EFNA5: variants seen among roughly 807,000 people sequenced by gnomAD.
EFNA5 encodes the protein ephrin A5, also known as ephrin-A5.
Under a neutral mutation model 22.9 loss-of-function variants are expected in EFNA5, and 5 were observed. The ratio of observed to expected loss-of-function variants is 0.22; its 90% CI spans 0.11 to 0.46. The LOEUF (loss-of-function observed/expected upper bound fraction) is 0.46, where lower values mean the gene tolerates loss of function less well. Ranked by LOEUF, EFNA5 falls within the 20% of genes least tolerant of loss-of-function variation. The pLI, the probability that EFNA5 is intolerant of heterozygous loss-of-function variation, is 0.99. For synonymous variants in EFNA5, 113 were observed against 112.2 expected (o/e 1.01, Z -0.04); for missense variants, 237 against 293.3 (o/e 0.81, Z 1.40).
intron 1 of EFNA5, among the ~76,000 whole-genome samples, chr5:107,635,652 G>A (rs1385585319): frequency 6.6e-6 from 1 of 152,142 alleles, no homozygotes; most frequent in African/African-American, 2.4e-5. Flanking sequence ...CTTAATGATG[G>A]GTGTTTAAGA....
intron 1 of EFNA5, among the ~76,000 whole-genome samples, chr5:107,573,817 A>T (rs184693024): frequency 7.1e-4 from 108 of 152,282 alleles, no homozygotes; most frequent in Middle Eastern, 3.4e-3. Context: ...GAACAAAATC[A>T]ATCTGCACCA....
chr5:107,406,768 A>C (rs1399838984), intron 2 of EFNA5, among the ~76,000 whole-genome samples: 3 of 152,022 alleles, frequency 2.0e-5, no homozygotes, highest in African/African-American at 7.2e-5. Context: ...GCCATTGCCT[A>C]TTTTTTTCTC....
chr5:107,521,211 C>T (rs919339312), intron 1 of EFNA5, among the ~76,000 whole-genome samples: 3 of 152,112 alleles, frequency 2.0e-5, no homozygotes, highest in Admixed American at 1.3e-4. Context: ...AGAACGCTTA[C>T]ATTAGCCTAT....
At chr5:107,585,208 A>C (rs1749158311) in intron 1 of EFNA5, among the ~76,000 whole-genome samples, 1 of 152,176 alleles carries the variant, frequency 6.6e-6, no homozygotes. Context: ...AAGTAGGTAC[A>C]ATTTTCTGCT....
intron 1 of EFNA5, among the ~76,000 whole-genome samples, chr5:107,668,477 A>T (rs1039650071): frequency 3.3e-5 from 5 of 152,182 alleles, no homozygotes; most frequent in African/African-American, 4.8e-5. Context: ...CTAGCTTGAC[A>T]GGTTAAGAAG....
chr5:107,633,417 C>T (rs757790354), intron 1 of EFNA5, among the ~76,000 whole-genome samples: 3 of 152,208 alleles, frequency 2.0e-5, no homozygotes, highest in Admixed American at 6.5e-5. Flanking sequence ...AAGCCCAGGC[C>T]CTTCTGAGGC....
intron 1 of EFNA5, among the ~76,000 whole-genome samples, chr5:107,515,956 T>C (rs942126678): frequency 1.1e-4 from 16 of 152,186 alleles, no homozygotes; most frequent in African/African-American, 3.9e-4. Flanking sequence ...ACCATTTATG[T>C]TGGGTTACTT....
chr5:107,598,645 G>A (rs1206797892), intron 1 of EFNA5, among the ~76,000 whole-genome samples: 1 of 152,100 alleles, frequency 6.6e-6, no homozygotes. Context: ...TAAACATACA[G>A]GTGGTCTTAT....
chr5:107,483,361 C>T (rs1197727213), intron 1 of EFNA5, among the ~76,000 whole-genome samples: 3 of 152,180 alleles, frequency 2.0e-5, no homozygotes, highest in African/African-American at 7.2e-5. Flanking sequence ...AACGACACCA[C>T]ATGGCATGCA....
intron 1 of EFNA5, among the ~76,000 whole-genome samples, chr5:107,645,040 T>C (rs578176793): frequency 6.6e-5 from 10 of 152,284 alleles, no homozygotes; most frequent in South Asian, 2.1e-4. Context: ...GATACATGTG[T>C]AGGATGTGCA....
intron 1 of EFNA5, among the ~76,000 whole-genome samples, chr5:107,522,789 A>G (rs1747623486): frequency 6.6e-6 from 1 of 152,124 alleles, no homozygotes; most frequent in Non-Finnish European, 1.5e-5. Flanking sequence ...TCCAGCCACT[A>G]TGCTCTATCA....
intron 1 of EFNA5, among the ~76,000 whole-genome samples, chr5:107,454,502 A>G (rs1223468299): frequency 6.6e-6 from 1 of 152,136 alleles, no homozygotes; most frequent in Non-Finnish European, 1.5e-5. Context: ...AGTTTTGTGC[A>G]AAGTATCTTA....
intron 2 of EFNA5, among the ~76,000 whole-genome samples, chr5:107,418,881 A>T (rs1353949529): frequency 6.6e-6 from 1 of 152,192 alleles, no homozygotes; most frequent in Non-Finnish European, 1.5e-5. Flanking sequence ...GATTCTTTTA[A>T]ACAGGAGTTA....
intron 1 of EFNA5, among the ~76,000 whole-genome samples, chr5:107,645,469 T>C (rs1750612868): frequency 6.6e-6 from 1 of 152,218 alleles, no homozygotes; most frequent in African/African-American, 2.4e-5. Context: ...ATCTAGCAAA[T>C]CTTGGTATGT....
intron 1 of EFNA5, among the ~76,000 whole-genome samples, chr5:107,494,298 G>C (rs111270337): frequency 0.075 from 11,450 of 152,302 alleles, 604 homozygotes; most frequent in Middle Eastern, 0.11. Flanking sequence ...GGGCCAGCTG[G>C]AGTTCCGGGT....
chr5:107,403,044 C>A (rs1580427771), intron 2 of EFNA5, among the ~76,000 whole-genome samples: 1 of 152,274 alleles, frequency 6.6e-6, no homozygotes, highest in Middle Eastern at 3.4e-3. Context: ...CTGTGCCTCG[C>A]AGCAGGGGGG....
At chr5:107,639,289 G>A (rs2112542728) in intron 1 of EFNA5, among the ~76,000 whole-genome samples, 1 of 152,346 alleles carries the variant, frequency 6.6e-6, no homozygotes, top group Admixed American at 6.5e-5. Flanking sequence ...AATTCGGTAA[G>A]ATGACATATA....
At chr5:107,427,597 G>C in intron 1 of EFNA5, 88 bp from the exon 2 acceptor site, 1 of 1,268,428 alleles carries the variant, frequency 7.9e-7, no homozygotes, top group Non-Finnish European at 1.1e-6. Flanking sequence ...AATAATTTTG[G>C]AGCTAAAGCA....
At chr5:107,494,766 T>G (rs1746928077) in intron 1 of EFNA5, among the ~76,000 whole-genome samples, 1 of 152,132 alleles carries the variant, frequency 6.6e-6, no homozygotes, top group Non-Finnish European at 1.5e-5. Context: ...TTGGAGAACC[T>G]TTATGTCTAG....
Sources: allele counts gnomAD v4.1 joint callset (sites outside exome capture counted in the v4.1 genomes callset), GRCh38; gene constraint gnomAD v4.1.1; transcripts MANE v1.5; gene names NCBI Gene and HGNC (gene_info 2026-07-23, HGNC 2026-07-21).